The following KIAA1217 variants were observed in gnomAD, a reference collection of about 807,000 sequenced individuals.
KIAA1217 encodes the protein KIAA1217.
KIAA1217 carries 88 observed loss-of-function variants against 163.9 expected under a neutral mutation model. The ratio of observed to expected loss-of-function variants is 0.54; its 90% CI spans 0.45 to 0.64. The LOEUF (loss-of-function observed/expected upper bound fraction) is 0.64. KIAA1217 is among the 30% of genes least tolerant of loss of function. The probability of loss-of-function intolerance (pLI) is 0.00; values close to 1 mark genes in which losing one functional copy is unlikely to be tolerated. For synonymous variants in KIAA1217, 903 were observed against 923.1 expected (o/e 0.98, Z 0.39); for missense variants, 2,372 against 2,475.0 (o/e 0.96, Z 0.88).
chr10:24,194,312 C>CT lies in KIAA1217; in HGVS notation c.-170-25313dup, dbSNP rs1194240912. Among the ~76,000 whole-genome samples the CT allele has an allele frequency of 7.4e-5, 9 of 122,120 alleles. No individual in the cohort carries two copies. In the Admixed American group the frequency reaches 7.5e-4, roughly 10 times the overall value. The allele number at this position is 122,120 out of a possible 152,430, so 80.1% of individuals were successfully genotyped here. A position where few individuals can be genotyped will look rare whatever the true frequency, so the allele number is the denominator to read the frequency against. On this transcript the variant is annotated intron_variant, in intron 2 of 18. Coordinates refer to the KIAA1217 transcript ENST00000376462. ...CCCTCCCCTCCTCTCCCCTCCCCTC[C>CT]TCTCCCCTCTCCTCCCCTCCCCTAC...
intron 13 of KIAA1217, among the ~76,000 whole-genome samples, chr10:24,525,011 T>C (rs1253170162): frequency 1.3e-5 from 2 of 151,500 alleles, no homozygotes; most frequent in Non-Finnish European, 2.9e-5. Context: ...ACCTGGCCTG[T>C]AGGAAGGTGA....
At chr10:24,029,886 T>A (rs1227125971) in intron 2 of KIAA1217, among the ~76,000 whole-genome samples, 2 of 152,092 alleles carry the variant, frequency 1.3e-5, no homozygotes, top group Non-Finnish European at 2.9e-5. Context: ...TGTGTGACAA[T>A]GCAAGGGAAC....
At chr10:24,071,287 G>T (rs566712203) in intron 2 of KIAA1217, among the ~76,000 whole-genome samples, 1 of 152,166 alleles carries the variant, frequency 6.6e-6, no homozygotes, top group South Asian at 2.1e-4. Flanking sequence ...ACTTCATTGG[G>T]AAAAAATATG....
intron 1 of KIAA1217, among the ~76,000 whole-genome samples, chr10:23,732,093 T>C (rs923740508): frequency 6.6e-6 from 1 of 152,086 alleles, no homozygotes; most frequent in African/African-American, 2.4e-5. Flanking sequence ...AGGATAATAT[T>C]GGTCTCATAG....
intron 6 of KIAA1217, chr10:24,482,380 CT>C (rs1488671661): frequency 2.7e-5 from 4 of 150,730 alleles, no homozygotes; most frequent in Non-Finnish European, 4.4e-5. Flanking sequence ...TAACTCGGTC[CT>C]TTGCCAACTA....
intron 6 of KIAA1217, among the ~76,000 whole-genome samples, chr10:24,480,460 TGG>T (rs2064536682): frequency 6.6e-6 from 1 of 152,204 alleles, no homozygotes; most frequent in Admixed American, 6.5e-5. Context: ...CCAGAGTGCC[TGG>T]GTTCAAATCC....
chr10:24,021,359 CA>C (rs1482784277), intron 2 of KIAA1217, among the ~76,000 whole-genome samples: 1 of 151,632 alleles, frequency 6.6e-6, no homozygotes, highest in East Asian at 1.9e-4. Context: ...ACATTAGCAC[CA>C]AAAAAATCAA....
chr10:24,187,876 G>A (rs1564805828), intron 2 of KIAA1217, among the ~76,000 whole-genome samples: 1 of 149,752 alleles, frequency 6.7e-6, no homozygotes, highest in African/African-American at 2.5e-5. Flanking sequence ...GGCAACAAGA[G>A]CAAAACTCCA....
chr10:23,728,252 A>G (rs1006639206), intron 1 of KIAA1217, among the ~76,000 whole-genome samples: 2 of 152,170 alleles, frequency 1.3e-5, no homozygotes. Context: ...TGTCTTCCAA[A>G]ATGGTTGAAC....
intron 1 of KIAA1217, among the ~76,000 whole-genome samples, chr10:23,705,598 A>G (rs1027801563): frequency 2.6e-5 from 4 of 152,262 alleles, no homozygotes; most frequent in East Asian, 3.9e-4. Flanking sequence ...ATTGATCTGT[A>G]TGTTCATTTT....
intron 3 of KIAA1217, among the ~76,000 whole-genome samples, chr10:24,388,319 T>C (rs966213988): frequency 6.6e-6 from 1 of 152,202 alleles, no homozygotes; most frequent in African/African-American, 2.4e-5. Context: ...ATTCCCTATT[T>C]ATTTAATAAA....
At chr10:23,805,116 A>G (rs931988732) in intron 1 of KIAA1217, among the ~76,000 whole-genome samples, 15 of 152,194 alleles carry the variant, frequency 9.9e-5, no homozygotes, top group African/African-American at 3.6e-4. Flanking sequence ...AAAAGAGGTG[A>G]AATACTAAAG....
intron 1 of KIAA1217, among the ~76,000 whole-genome samples, chr10:23,894,231 C>T (rs1841569230): frequency 2.0e-5 from 3 of 151,230 alleles, no homozygotes; most frequent in Admixed American, 6.6e-5. Flanking sequence ...GATTGTATAT[C>T]TAGAAAACCC....
At chr10:23,711,534 A>C (rs1447024834) in intron 1 of KIAA1217, among the ~76,000 whole-genome samples, 2 of 152,314 alleles carry the variant, frequency 1.3e-5, no homozygotes, top group East Asian at 3.9e-4. Flanking sequence ...ATAGAACTCT[A>C]ATGTAGTAAA....
At chr10:24,028,555 C>G (rs1189232093) in intron 2 of KIAA1217, among the ~76,000 whole-genome samples, 1 of 152,030 alleles carries the variant, frequency 6.6e-6, no homozygotes, top group Non-Finnish European at 1.5e-5. Context: ...ATAAAAGAAT[C>G]ATTCAAATTA....
intron 1 of KIAA1217, among the ~76,000 whole-genome samples, chr10:23,909,241 A>G (rs1485405441): frequency 2.0e-5 from 3 of 152,112 alleles, no homozygotes; most frequent in African/African-American, 4.8e-5. Context: ...AAGACTACAA[A>G]TTGGGTGCAG....
intron 1 of KIAA1217, among the ~76,000 whole-genome samples, chr10:23,719,041 C>A (rs1837725600): frequency 6.6e-6 from 1 of 152,122 alleles, no homozygotes; most frequent in African/African-American, 2.4e-5. Context: ...CCTGCAATTC[C>A]CCTTCTAAGC....
chr10:24,086,508 TG>T (rs2061702959), intron 2 of KIAA1217, among the ~76,000 whole-genome samples: 2 of 152,220 alleles, frequency 1.3e-5, no homozygotes, highest in South Asian at 4.1e-4. Context: ...TTGTTGTTGT[TG>T]TTACTGTAAG....
chr10:24,471,084 TAAAG>T (rs373591464), intron 5 of KIAA1217, among the ~76,000 whole-genome samples: 5 of 152,322 alleles, frequency 3.3e-5, no homozygotes, highest in Non-Finnish European at 7.4e-5. Flanking sequence ...ATTTTTGTGA[TAAAG>T]AAGCAGTTAG....
Sources: gnomAD v4.1 joint callset for allele counts (sites outside exome capture counted in the v4.1 genomes callset) on GRCh38, gnomAD v4.1.1 for gene constraint, MANE v1.5 for transcripts, NCBI Gene and HGNC (gene_info 2026-07-23, HGNC 2026-07-21) for gene names.